CFAP61: variants seen among roughly 807,000 people sequenced by gnomAD.
The protein encoded by CFAP61 is cilia- and flagella-associated protein 61.
CFAP61 carries 107 observed loss-of-function variants against 135.6 expected under a neutral mutation model. That is an observed-to-expected ratio of 0.79 (90% CI 0.67 to 0.93). The LOEUF is 0.93. CFAP61 is among the 40% of genes least tolerant of loss of function. CFAP61 has a pLI of 0.00. For missense variants in CFAP61, 1,507 were observed against 1,556.2 expected, an observed-to-expected ratio of 0.97 and a Z score of 0.53; for synonymous variants, 575 against 578.5, an observed-to-expected ratio of 0.99 and a Z score of 0.09.
intron 25 of CFAP61, 146 bp from the exon 26 acceptor site, chr20:20,341,685 G>A: frequency 1.8e-6 from 1 of 557,718 alleles, no homozygotes; most frequent in Non-Finnish European, 3.2e-6. Context: ...AAATTGATTG[G>A]TCAGGCTGTT....
chr20:20,218,449 C>G (rs1445238493), intron 17 of CFAP61, among the ~76,000 whole-genome samples: 3 of 152,208 alleles, frequency 2.0e-5, no homozygotes, highest in Non-Finnish European at 4.4e-5. Flanking sequence ...GTTACCCAGT[C>G]TCGGGTATGT....
intron 13 of CFAP61, among the ~76,000 whole-genome samples, chr20:20,187,287 G>A (rs1001940535): frequency 2.0e-5 from 3 of 152,194 alleles, no homozygotes; most frequent in Non-Finnish European, 4.4e-5. Flanking sequence ...GGAGGCAGCT[G>A]TCATGAGGCA....
intron 6 of CFAP61, among the ~76,000 whole-genome samples, chr20:20,078,428 A>C (rs182368694): frequency 1.2e-4 from 18 of 152,292 alleles, no homozygotes; most frequent in Admixed American, 7.9e-4. Flanking sequence ...AGGGATGAGG[A>C]GTTTATGGTA....
chr20:20,170,616 A>G (rs1286417398), intron 13 of CFAP61, among the ~76,000 whole-genome samples: 2 of 152,210 alleles, frequency 1.3e-5, no homozygotes, highest in Non-Finnish European at 1.5e-5. Flanking sequence ...TTGATGCACA[A>G]TCTTCTGATG....
intron 6 of CFAP61, among the ~76,000 whole-genome samples, chr20:20,088,214 A>G (rs1463327372): frequency 6.6e-6 from 1 of 152,320 alleles, no homozygotes; most frequent in East Asian, 1.9e-4. Context: ...ACAGTTTTAA[A>G]AAACAAAGGA....
intron 8 of CFAP61, among the ~76,000 whole-genome samples, chr20:20,132,579 G>A (rs1037367413): frequency 1.3e-5 from 2 of 151,832 alleles, no homozygotes; most frequent in East Asian, 3.8e-4. Flanking sequence ...ACTTTTTTGA[G>A]CAGTTCATGA....
chr20:20,343,742 A>G (rs1391021850), intron 26 of CFAP61, among the ~76,000 whole-genome samples: 1 of 152,080 alleles, frequency 6.6e-6, no homozygotes, highest in African/African-American at 2.4e-5. Context: ...GTCTTTCTTA[A>G]CCCCAGATCT....
At chr20:20,286,536 C>G (rs199742626) in intron 22 of CFAP61, among the ~76,000 whole-genome samples, 1 of 152,202 alleles carries the variant, frequency 6.6e-6, no homozygotes, top group East Asian at 1.9e-4. Flanking sequence ...TTTTGCTCTC[C>G]TTAATCAGAA....
chr20:20,142,283 A>G (rs1177364333), intron 8 of CFAP61, among the ~76,000 whole-genome samples: 3 of 152,220 alleles, frequency 2.0e-5, no homozygotes, highest in Admixed American at 6.5e-5. Flanking sequence ...AATAATTTCT[A>G]TTACGAAATA....
intron 26 of CFAP61, among the ~76,000 whole-genome samples, chr20:20,357,989 TAGTGTGAGGGGAGGTGGTCAC>T (rs2059312208): frequency 2.0e-4 from 12 of 58,796 alleles, no homozygotes; most frequent in East Asian, 7.8e-4. Context: ...GAGGTGGTCA[TAGTGTGAGGGGAGGTGGTCAC>T]AGTGTGAGGG....
Position 20,159,413 on chromosome 20 carries a change from C to T in CFAP61, c.995C>T (p.Ala332Val). ...REAASEEALT[A>V]VQSGNVSEPE... ...GCTGCATCCGAGGAAGCTTTAACAG[C>T]AGTCCAAAGTGGAAATGTTAGTGAA... Residue 332 changes from alanine (A) to valine (V), a missense_variant, in exon 10 of 27, where the codon GCA becomes GTA. Ala to Val is a moderately conservative substitution (Grantham distance 64, BLOSUM62 0). Coordinates refer to ENST00000245957, the MANE Select transcript of CFAP61 (RefSeq NM_015585.4). 3 of 1,613,976 alleles carry T rather than the reference C, an allele frequency of 1.9e-6. No homozygotes were observed. Among genetic ancestry groups the T allele is most frequent in the Non-Finnish European group, 2.5e-6 (3 of 1,179,850 alleles).
intron 26 of CFAP61, among the ~76,000 whole-genome samples, chr20:20,358,859 C>T (rs2059371510): frequency 6.6e-6 from 1 of 152,152 alleles, no homozygotes; most frequent in South Asian, 2.1e-4. Context: ...CTTTTCTATT[C>T]AAAATAGAAG....
intron 26 of CFAP61, among the ~76,000 whole-genome samples, chr20:20,352,921 T>C (rs1412059910): frequency 6.6e-6 from 1 of 152,118 alleles, no homozygotes; most frequent in African/African-American, 2.4e-5. Flanking sequence ...GGAGAAAATA[T>C]TTGCAAATCA....
At chr20:20,314,147 A>T (rs1242134243) in intron 25 of CFAP61, among the ~76,000 whole-genome samples, 1 of 147,790 alleles carries the variant, frequency 6.8e-6, no homozygotes, top group Non-Finnish European at 1.5e-5. Flanking sequence ...ACTTTGGGAG[A>T]CTCAGCAGGG....
At chr20:20,091,438 A>G (rs868425130) in intron 7 of CFAP61, among the ~76,000 whole-genome samples, 10 of 151,956 alleles carry the variant, frequency 6.6e-5, no homozygotes, top group Middle Eastern at 6.8e-3. Flanking sequence ...ATCCAACCCC[A>G]TTTGTTTTAT....
chr20:20,336,149 C>T (rs2058182128), intron 25 of CFAP61, among the ~76,000 whole-genome samples: 1 of 152,092 alleles, frequency 6.6e-6, no homozygotes, highest in South Asian at 2.1e-4. Flanking sequence ...GGATGCCTCC[C>T]AGAGTGTAGC....
intron 21 of CFAP61, among the ~76,000 whole-genome samples, chr20:20,274,376 T>C (rs2053583440): frequency 1.3e-5 from 2 of 152,116 alleles, no homozygotes; most frequent in African/African-American, 2.4e-5. Flanking sequence ...AGGCAAGAAA[T>C]TGGGCCAGAT....
intron 13 of CFAP61, chr20:20,171,871 A>G: frequency 1.5e-6 from 1 of 661,546 alleles, no homozygotes. Flanking sequence ...GCCAGAGTGG[A>G]CTTTTCTTCC....
chr20:20,255,525 AG>A (rs1489455988), intron 20 of CFAP61, among the ~76,000 whole-genome samples: 1 of 152,112 alleles, frequency 6.6e-6, no homozygotes, highest in Non-Finnish European at 1.5e-5. Flanking sequence ...TTGTCTCCAA[AG>A]GGGTTAATCA....
Sources: gnomAD v4.1 joint callset for allele counts (sites outside exome capture counted in the v4.1 genomes callset) on GRCh38, gnomAD v4.1.1 for gene constraint, MANE v1.5 for transcripts, NCBI Gene and HGNC (gene_info 2026-07-23, HGNC 2026-07-21) for gene names.